The following PRKN variants were observed in gnomAD, a reference collection of about 807,000 sequenced individuals.
PRKN encodes E3 ubiquitin-protein ligase parkin.
Under a neutral mutation model 59.5 loss-of-function variants are expected in PRKN, and 56 were observed. The observed-to-expected ratio is 0.94, with a 90% confidence interval of 0.76 to 1.18. The LOEUF (loss-of-function observed/expected upper bound fraction) is 1.18, where lower values mean the gene tolerates loss of function less well. PRKN is among the 50% of genes most tolerant of loss of function. PRKN has a pLI of 0.00. For synonymous variants in PRKN, 250 were observed against 222.1 expected (o/e 1.13, Z -1.12); for missense variants, 657 against 596.4 (o/e 1.10, Z -1.06).
chr6:162,583,853 C>A (rs751762138), intron 1 of PRKN, among the ~76,000 whole-genome samples: 1 of 152,212 alleles, frequency 6.6e-6, no homozygotes, highest in Non-Finnish European at 1.5e-5. Flanking sequence ...CCACTATCCT[C>A]TGAAACCTTT....
intron 1 of PRKN, among the ~76,000 whole-genome samples, chr6:162,526,197 C>A (rs910786322): frequency 6.2e-5 from 9 of 146,184 alleles, no homozygotes; most frequent in Non-Finnish European, 1.0e-4. Flanking sequence ...GACAAACTAT[C>A]GGAGTCAAGG....
intron 3 of PRKN, among the ~76,000 whole-genome samples, chr6:162,216,448 T>C (rs1208188922): frequency 7.1e-6 from 1 of 140,574 alleles, no homozygotes; most frequent in Non-Finnish European, 1.5e-5. Context: ...GAGAATGGCG[T>C]GAACCCGGGA....
rs936130798 is a variant in PRKN, at chr6:161,525,392, G to A, written c.1083+23462C>T. 6.6e-6 allele frequency among the ~76,000 whole-genome samples: 1 copy of A among 152,122 alleles called. No homozygotes were observed. The highest frequency in any genetic ancestry group is 6.5e-5 in the Admixed American group (1 of 15,270). The stretch of plus-strand genomic sequence containing the variant: ...CTGGAGCCTAGCCTGCCAGTGAGTA[G>A]GCTGCTCTGATCTCTTCTCCCTGCA... On this transcript the variant is annotated intron_variant, in intron 9 of 11. Coordinates refer to ENST00000366898, the MANE Select transcript of PRKN (RefSeq NM_004562.3). The surrounding 1 kb of genome is among the most constrained non-coding windows in gnomAD (Gnocchi z 4.7).
rs537701431 is a variant in PRKN at position 161,446,039 on chromosome 6, A to G, written c.1084-59162T>C. Among the ~76,000 whole-genome samples, 3 of 151,352 alleles carry G rather than the reference A, an allele frequency of 2.0e-5. No homozygotes were observed. Among genetic ancestry groups the G allele is most frequent in the East Asian group, 2.1e-4 (1 of 4,686 alleles). ...GGCAACATGGTGAAACCCTGTCTCT[A>G]TAAAAAATATAAAACTTAGCTGGGT... On this transcript the variant is annotated intron_variant, in intron 9 of 11. Transcript: ENST00000366898. This position sits in a 1 kb window ranked among gnomAD's most constrained non-coding sequence, Gnocchi z 6.2.
chr6:161,899,004 AG>A (rs1777774843), intron 6 of PRKN, among the ~76,000 whole-genome samples: 1 of 152,232 alleles, frequency 6.6e-6, no homozygotes, highest in Non-Finnish European at 1.5e-5. Flanking sequence ...AGGGAATCCA[AG>A]GGCTCCTCTG....
At chr6:162,184,839 G>T (rs1321550381) in intron 4 of PRKN, among the ~76,000 whole-genome samples, 1 of 152,036 alleles carries the variant, frequency 6.6e-6, no homozygotes, top group Non-Finnish European at 1.5e-5. Flanking sequence ...AGAAGTTTTG[G>T]TATATAAACC....
chr6:161,582,495 A>C lies in PRKN; in HGVS notation c.872-13079T>G, dbSNP rs550960807. Among the ~76,000 whole-genome samples, 24 of 151,624 alleles carry C rather than the reference A, an allele frequency of 1.6e-4. 1 individual carries two copies. The South Asian group carries it at 4.8e-3, about 30-fold the overall frequency. On this transcript the variant is annotated intron_variant, in intron 7 of 11. Coordinates refer to ENST00000366898, the MANE Select transcript of PRKN (RefSeq NM_004562.3). This position sits in a 1 kb window ranked among gnomAD's most constrained non-coding sequence, Gnocchi z 4.4. ...AGGCTGGAGTGCAGTGGCGCGATCTAGGCTCACTGCAAGCTCCGCCTCCCA... is the reference window on the plus strand; with the variant it reads ...AGGCTGGAGTGCAGTGGCGCGATCTCGGCTCACTGCAAGCTCCGCCTCCCA...
chr6:162,502,207 C>T (rs1174242687), intron 1 of PRKN, among the ~76,000 whole-genome samples: 1 of 152,162 alleles, frequency 6.6e-6, no homozygotes, highest in African/African-American at 2.4e-5. Context: ...GTTGCCCAAG[C>T]TGGAGTCCAG....
In PRKN at chr6:161,554,199, G is replaced by T. The variant is rs781579201; in HGVS notation, c.934-5196C>A. On this transcript the variant is annotated intron_variant, in intron 8 of 11. Coordinates refer to ENST00000366898, the MANE Select transcript of PRKN (RefSeq NM_004562.3). This position sits in a 1 kb window ranked among gnomAD's most constrained non-coding sequence, Gnocchi z 4.5. ...TACAATATTCCATAATTGCTCATTT[G>T]CTTTTTCTCACATTACACAATTTCA... 1.3e-5 allele frequency among the ~76,000 whole-genome samples: 2 copies of T among 152,082 alleles called. No individual in the cohort carries two copies. Among genetic ancestry groups the T allele is most frequent in the Non-Finnish European group, 1.5e-5 (1 of 68,014 alleles).
intron 6 of PRKN, among the ~76,000 whole-genome samples, chr6:161,898,311 A>G (rs532041372): frequency 7.9e-5 from 12 of 152,318 alleles, no homozygotes; most frequent in Admixed American, 4.6e-4. Context: ...CCTGATGCAT[A>G]TAAGGTAGAA....
rs773100175 is a variant in PRKN, at chr6:162,240,094, C to T, written c.412+22431G>A. On this transcript the variant is annotated intron_variant, in intron 3 of 11. Transcript: ENST00000366898. Reference sequence around the variant, plus strand: ...GTTCACGAATGTCAATAATCCCAACCGGCAGGTTTTACGCTCAGGTTTGAA... The same window carrying T: ...GTTCACGAATGTCAATAATCCCAACTGGCAGGTTTTACGCTCAGGTTTGAA... Among the ~76,000 whole-genome samples the T allele has an allele frequency of 3.9e-5, 6 of 152,222 alleles. 1 individual carries two copies. The South Asian group carries it at 6.2e-4, about 16-fold the overall frequency.
chr6:162,098,289 T>C (rs938565789), intron 4 of PRKN, among the ~76,000 whole-genome samples: 3 of 152,164 alleles, frequency 2.0e-5, no homozygotes, highest in African/African-American at 7.2e-5. Context: ...TTTTCCCAAA[T>C]GTTACCTGTG....
At chr6:161,807,432 T>C (rs950492832) in intron 6 of PRKN, among the ~76,000 whole-genome samples, 1 of 151,900 alleles carries the variant, frequency 6.6e-6, no homozygotes, top group Non-Finnish European at 1.5e-5. Flanking sequence ...CATATACACA[T>C]ACATATACAC....
Position 161,369,732 on chromosome 6 carries a change from A to T in PRKN, c.1168-9527T>A, listed in dbSNP as rs1305661694. Reference sequence around the variant, plus strand: ...TCTCCTAATATACTTCATGGCTGAAAATAGCGATTTCATAAATATATATAT... The same window carrying T: ...TCTCCTAATATACTTCATGGCTGAATATAGCGATTTCATAAATATATATAT... On this transcript the variant is annotated intron_variant, in intron 10 of 11. Transcript: ENST00000366898. The surrounding 1 kb of genome is among the most constrained non-coding windows in gnomAD (Gnocchi z 5.8). Among the ~76,000 whole-genome samples the T allele has an allele frequency of 1.3e-5, 2 of 152,066 alleles. No homozygotes were observed. The highest frequency in any genetic ancestry group is 2.9e-5 in the Non-Finnish European group (2 of 68,018).
At chr6:161,517,276 A>C (rs946786580) in intron 9 of PRKN, among the ~76,000 whole-genome samples, 13 of 152,126 alleles carry the variant, frequency 8.5e-5, no homozygotes, top group Non-Finnish European at 1.6e-4. Context: ...CGTGTTGACC[A>C]ATCTTTATGG....
chr6:161,438,244 A>G, intron 9 of PRKN, among the ~76,000 whole-genome samples: 1 of 125,396 alleles, frequency 8.0e-6, no homozygotes, highest in Non-Finnish European at 1.6e-5. Context: ...TTTGAGACAG[A>G]GTCTTGCTCT....
At chr6:162,671,707 T>C (rs1276290610) in intron 1 of PRKN, among the ~76,000 whole-genome samples, 1 of 151,730 alleles carries the variant, frequency 6.6e-6, no homozygotes, top group African/African-American at 2.4e-5. Flanking sequence ...TAGTAGGAAA[T>C]ACGAAAAATA....
At chr6:161,906,729 C>G (rs1219471157) in intron 6 of PRKN, among the ~76,000 whole-genome samples, 1 of 147,388 alleles carries the variant, frequency 6.8e-6, no homozygotes, top group Non-Finnish European at 1.5e-5. Flanking sequence ...AGATAAGGAG[C>G]AAGGAAGCCA....
intron 6 of PRKN, among the ~76,000 whole-genome samples, chr6:161,878,248 TC>T (rs1353714543): frequency 1.3e-5 from 2 of 152,186 alleles, no homozygotes; most frequent in African/African-American, 2.4e-5. Context: ...AATGTAATCT[TC>T]TATTGAAGTA....
Sources: allele counts gnomAD v4.1 joint callset (sites outside exome capture counted in the v4.1 genomes callset), GRCh38; gene constraint gnomAD v4.1.1; non-coding constraint Gnocchi (gnomAD v3.1); transcripts MANE v1.5; gene names NCBI Gene and HGNC (gene_info 2026-07-23, HGNC 2026-07-21).